The following GALNTL6 variants were observed in gnomAD, a reference collection of about 807,000 sequenced individuals.
GALNTL6 encodes polypeptide N-acetylgalactosaminyltransferase-like 6.
Under a neutral mutation model 73.7 loss-of-function variants are expected in GALNTL6, and 46 were observed. That is an observed-to-expected ratio of 0.62 (90% confidence interval 0.49 to 0.80). The LOEUF (loss-of-function observed/expected upper bound fraction) is 0.80, where lower values mean the gene tolerates loss of function less well. GALNTL6 is among the 30% of genes least tolerant of loss of function. The probability of loss-of-function intolerance (pLI) is 0.00; values close to 1 mark genes in which losing one functional copy is unlikely to be tolerated. For missense variants in GALNTL6, 604 were observed against 755.0 expected, an observed-to-expected ratio of 0.80 and a Z score of 2.34; for synonymous variants, 259 against 263.7, an observed-to-expected ratio of 0.98 and a Z score of 0.17.
chr4:172,690,415 A>G (rs968120721), intron 5 of GALNTL6, among the ~76,000 whole-genome samples: 2 of 152,112 alleles, frequency 1.3e-5, no homozygotes, highest in Non-Finnish European at 1.5e-5. Context: ...CCCAGTGGGG[A>G]ATATAAAAGT....
At chr4:173,006,546 C>T (rs756180494) in intron 10 of GALNTL6, among the ~76,000 whole-genome samples, 4 of 152,146 alleles carry the variant, frequency 2.6e-5, no homozygotes, top group African/African-American at 9.7e-5. Flanking sequence ...TTTTACAAAA[C>T]GTGTATTTTA....
At chr4:172,958,469 TG>T (rs1302212656) in intron 10 of GALNTL6, among the ~76,000 whole-genome samples, 1 of 152,146 alleles carries the variant, frequency 6.6e-6, no homozygotes, top group Non-Finnish European at 1.5e-5. Flanking sequence ...ATTTAGGATC[TG>T]TGGGGTCAGC....
intron 8 of GALNTL6, among the ~76,000 whole-genome samples, chr4:172,919,348 T>G (rs1747680984): frequency 6.6e-6 from 1 of 152,136 alleles, no homozygotes; most frequent in Non-Finnish European, 1.5e-5. Flanking sequence ...TTTCATTCCC[T>G]CTCACGGACT....
chr4:172,181,992 C>T (rs1735261355), intron 2 of GALNTL6, among the ~76,000 whole-genome samples: 1 of 152,088 alleles, frequency 6.6e-6, no homozygotes, highest in South Asian at 2.1e-4. Context: ...GCTGGGATTA[C>T]AGGAGTGAGC....
At chr4:172,754,938 C>T (rs1022720434) in intron 5 of GALNTL6, among the ~76,000 whole-genome samples, 1 of 151,876 alleles carries the variant, frequency 6.6e-6, no homozygotes, top group Non-Finnish European at 1.5e-5. Context: ...TTTGTGGTTC[C>T]TAAGCTCCTC....
At chr4:172,275,974 A>G (rs17222452) in intron 3 of GALNTL6, among the ~76,000 whole-genome samples, 1,663 of 152,316 alleles carry the variant, frequency 0.011, 15 homozygotes, top group Non-Finnish European at 0.017. Flanking sequence ...AAAATAGATC[A>G]TAGTTCTGCT....
intron 5 of GALNTL6, among the ~76,000 whole-genome samples, chr4:172,558,039 A>G (rs921248680): frequency 1.3e-5 from 2 of 152,218 alleles, no homozygotes; most frequent in Non-Finnish European, 2.9e-5. Context: ...CAGTATGTTC[A>G]TATAATGCAA....
chr4:172,095,298 C>A (rs1272752338), intron 2 of GALNTL6, among the ~76,000 whole-genome samples: 1 of 152,072 alleles, frequency 6.6e-6, no homozygotes, highest in East Asian at 1.9e-4. Context: ...AGCTCAGGAA[C>A]TCTGAGAAGG....
intron 7 of GALNTL6, 97 bp downstream of exon 7, chr4:172,813,820 T>A: frequency 1.0e-6 from 1 of 952,768 alleles, no homozygotes; most frequent in East Asian, 2.6e-5. Context: ...TCTAACAAAA[T>A]GGAATAAAAC....
At chr4:172,650,940 T>G (rs374567643) in intron 5 of GALNTL6, among the ~76,000 whole-genome samples, 1 of 152,338 alleles carries the variant, frequency 6.6e-6, no homozygotes, top group African/African-American at 2.4e-5. Context: ...AACTGTAATA[T>G]GAGTAATTCA....
intron 5 of GALNTL6, among the ~76,000 whole-genome samples, chr4:172,616,983 T>A (rs1431694905): frequency 6.6e-6 from 1 of 152,088 alleles, no homozygotes; most frequent in Non-Finnish European, 1.5e-5. Flanking sequence ...TAAAAAGTAA[T>A]CTGGGTTTCC....
chr4:172,790,201 CTATT>C (rs1739916901), intron 5 of GALNTL6, among the ~76,000 whole-genome samples: 1 of 152,178 alleles, frequency 6.6e-6, no homozygotes, highest in South Asian at 2.1e-4. Context: ...GAAGGGTTAT[CTATT>C]TATTGTGGTC....
chr4:172,420,231 G>A (rs1019538406), intron 5 of GALNTL6, among the ~76,000 whole-genome samples: 12 of 152,288 alleles, frequency 7.9e-5, no homozygotes, highest in East Asian at 1.9e-4. Flanking sequence ...CATGAATATC[G>A]TGATAACGAG....
At chr4:172,921,841 G>A (rs957557530) in intron 8 of GALNTL6, among the ~76,000 whole-genome samples, 1 of 150,478 alleles carries the variant, frequency 6.6e-6, no homozygotes, top group African/African-American at 2.4e-5. Context: ...TTCATTCACA[G>A]GTGAAATAAC....
At chr4:171,838,665 T>C (rs922275234) in intron 2 of GALNTL6, among the ~76,000 whole-genome samples, 2 of 152,122 alleles carry the variant, frequency 1.3e-5, no homozygotes, top group Admixed American at 6.6e-5. Context: ...CTTTTTCATA[T>C]CTCCGTTGAG....
chr4:172,907,938 GT>G (rs1452034082), intron 8 of GALNTL6, among the ~76,000 whole-genome samples: 1 of 152,100 alleles, frequency 6.6e-6, no homozygotes, highest in Non-Finnish European at 1.5e-5. Context: ...GCACATTTCA[GT>G]TGCCAGAGTC....
intron 5 of GALNTL6, among the ~76,000 whole-genome samples, chr4:172,707,072 C>A (rs529003297): frequency 9.2e-5 from 14 of 152,270 alleles, no homozygotes; most frequent in African/African-American, 3.4e-4. Flanking sequence ...TAGAAACCAT[C>A]AGTCCACGGG....
chr4:171,915,318 G>T (rs112357829), intron 2 of GALNTL6, among the ~76,000 whole-genome samples: 132 of 152,198 alleles, frequency 8.7e-4, no homozygotes, highest in African/African-American at 2.7e-3. Context: ...ATTGTCTGTA[G>T]TTAATCCCTT....
intron 5 of GALNTL6, among the ~76,000 whole-genome samples, chr4:172,496,751 A>G (rs1298686144): frequency 6.6e-6 from 1 of 152,190 alleles, no homozygotes; most frequent in Non-Finnish European, 1.5e-5. Context: ...AAATGGTAAC[A>G]ATGTAGTAGC....
Sources: gnomAD v4.1 joint callset for allele counts (sites outside exome capture counted in the v4.1 genomes callset) on GRCh38, gnomAD v4.1.1 for gene constraint, MANE v1.5 for transcripts, NCBI Gene and HGNC (gene_info 2026-07-23, HGNC 2026-07-21) for gene names.